Variants in SIK2 observed in about 807,000 individuals in gnomAD.
The protein encoded by SIK2 is serine/threonine-protein kinase SIK2.
SIK2 carries 29 observed loss-of-function variants against 103.2 expected under a neutral mutation model. The ratio of observed to expected loss-of-function variants is 0.28; its 90% CI spans 0.21 to 0.38. The LOEUF is 0.38. SIK2 is among the 10% of genes least tolerant of loss of function. The probability of loss-of-function intolerance (pLI) is 1.00; values close to 1 mark genes in which losing one functional copy is unlikely to be tolerated. For synonymous variants in SIK2, 412 were observed against 446.1 expected (o/e 0.92, Z 0.96); for missense variants, 879 against 1,171.0 (o/e 0.75, Z 3.64).
intron 1 of SIK2, among the ~76,000 whole-genome samples, chr11:111,612,754 A>G (rs1180379016): frequency 6.6e-6 from 1 of 152,136 alleles, no homozygotes; most frequent in African/African-American, 2.4e-5. Flanking sequence ...GTGAGCAAGA[A>G]ATAAACTTCT....
chr11:111,664,004 C>T (rs1266904181), intron 3 of SIK2, among the ~76,000 whole-genome samples: 1 of 152,206 alleles, frequency 6.6e-6, no homozygotes, highest in Non-Finnish European at 1.5e-5. Context: ...CCCTCCCCCA[C>T]TCCCCACTCT....
intron 3 of SIK2, among the ~76,000 whole-genome samples, chr11:111,631,071 G>T (rs1942030867): frequency 6.6e-6 from 1 of 152,142 alleles, no homozygotes. Context: ...CAGAGGGAAT[G>T]ATTAGTTTAG....
intron 10 of SIK2, 26 bp downstream of exon 10, chr11:111,720,029 T>A (rs1943755499): frequency 6.3e-7 from 1 of 1,592,758 alleles, no homozygotes; most frequent in Non-Finnish European, 8.6e-7. Context: ...GACACTAGCT[T>A]GAGTCTTCAT....
chr11:111,722,042 G>T lies in SIK2; in HGVS notation c.2055+102G>T. The T allele has an allele frequency of 1.2e-6, 1 of 831,924 alleles. No individual in the cohort carries two copies. Among genetic ancestry groups the T allele is most frequent in the Non-Finnish European group, 1.8e-6 (1 of 563,600 alleles). The allele number at this position is 831,924 out of a possible 1,614,324, so 51.5% of individuals were successfully genotyped here. ...TGCCTGGCATTTATTTAGGGTAGCT[G>T]CTTGATTCCTTATAGGCAAGTAGCT... On this transcript the variant is annotated intron_variant, in intron 13 of 14. Transcript: ENST00000304987. The surrounding 1 kb of genome is among the most constrained non-coding windows in gnomAD (Gnocchi z 4.4).
At position 111,616,266 on chromosome 11, in the gene SIK2, G is replaced by A. The variant is rs376333025; in HGVS notation, c.159G>A (p.Lys53=). The part of the protein sequence containing the change: ...KTEVAIKIID[K]SQLDAVNLEK... ...AGGTGGCAATAAAAATAATCGATAA[G>A]TCTCAGCTGGATGCAGTGAACCTTG... The change falls in exon 2 of 15, where the codon AAG becomes AAA. Residue 53 remains lysine, a synonymous_variant. Coordinates refer to ENST00000304987, the MANE Select transcript of SIK2 (RefSeq NM_015191.3). The A allele has an allele frequency of 6.2e-7, 1 of 1,612,970 alleles. No individual in the cohort carries two copies. Among genetic ancestry groups the A allele is most frequent in the Non-Finnish European group, 8.5e-7 (1 of 1,179,270 alleles).
chr11:111,712,127 A>G, intron 8 of SIK2, 84 bp from the exon 9 acceptor site: 2 of 1,342,852 alleles, frequency 1.5e-6, no homozygotes, highest in Non-Finnish European at 2.1e-6. Flanking sequence ...TGCCACAGGA[A>G]GAATTATTTT....
chr11:111,714,598 A>G (rs976642288), intron 9 of SIK2, among the ~76,000 whole-genome samples: 2 of 152,328 alleles, frequency 1.3e-5, no homozygotes, highest in African/African-American at 2.4e-5. Flanking sequence ...TTGATAGACT[A>G]TTAAGGTCTA....
Position 111,723,902 on chromosome 11 carries a change from C to T in SIK2, c.2554C>T (p.Pro852Ser). 1 of 1,613,622 alleles carries T rather than the reference C, an allele frequency of 6.2e-7. No individual in the cohort carries two copies. Among genetic ancestry groups the T allele is most frequent in the East Asian group, 2.2e-5 (1 of 44,850 alleles). The change falls in exon 15 of 15, where the codon CCA becomes TCA. Residue 852 changes from proline (P) to serine (S), a missense_variant. Pro to Ser is a moderately conservative substitution (Grantham distance 74). Transcript: ENST00000304987. ...LQFSYQTCEL[P>S]SAASPAPDYP... is the part of the protein sequence containing the mutation. Reference sequence around the variant, plus strand: ...GTTCTCCTATCAGACTTGTGAGCTGCCAAGCGCTGCTTCCCCTGCGCCAGA... The same window carrying T: ...GTTCTCCTATCAGACTTGTGAGCTGTCAAGCGCTGCTTCCCCTGCGCCAGA...
intron 3 of SIK2, among the ~76,000 whole-genome samples, chr11:111,658,059 TTTAA>T (rs1942416206): frequency 6.6e-6 from 1 of 151,448 alleles, no homozygotes; most frequent in Non-Finnish European, 1.5e-5. Context: ...GAAAGATGAT[TTTAA>T]TTTACTTATT....
intron 3 of SIK2, among the ~76,000 whole-genome samples, chr11:111,628,381 C>G (rs1406765251): frequency 7.3e-6 from 1 of 136,570 alleles, no homozygotes. Flanking sequence ...CCACTCCTCC[C>G]CCATTTTCTC....
intron 6 of SIK2, among the ~76,000 whole-genome samples, chr11:111,702,102 C>T (rs1943224594): frequency 6.6e-6 from 1 of 152,156 alleles, no homozygotes; most frequent in East Asian, 1.9e-4. Flanking sequence ...GAAATAATAA[C>T]TCTTCATAGT....
chr11:111,677,287 C>T (rs192925240), intron 3 of SIK2, among the ~76,000 whole-genome samples: 1 of 152,234 alleles, frequency 6.6e-6, no homozygotes, highest in Admixed American at 6.5e-5. Flanking sequence ...TAAGAAAACC[C>T]AGCTATTGTT....
chr11:111,647,176 G>A (rs77109796), intron 3 of SIK2, among the ~76,000 whole-genome samples: 3,675 of 152,152 alleles, frequency 0.024, 94 homozygotes, highest in African/African-American at 0.062. Flanking sequence ...CCAATTCTTT[G>A]TTGATGGGCA....
Position 111,701,744 on chromosome 11 carries a change from G to C in SIK2, c.727+169G>C, listed in dbSNP as rs1226466190. Among the ~76,000 whole-genome samples, 3 of 152,128 alleles carry C rather than the reference G, an allele frequency of 2.0e-5. No individual in the cohort carries two copies. The highest frequency in any genetic ancestry group is 2.9e-5 in the Non-Finnish European group (2 of 68,036). ...AACCTCCTTTATGTAGGCGAGACAGGTTCCAGCCTTCTACTTGTAACTAAA... is the reference window on the plus strand; with the variant it reads ...AACCTCCTTTATGTAGGCGAGACAGCTTCCAGCCTTCTACTTGTAACTAAA... On this transcript the variant is annotated intron_variant, in intron 6 of 14. Transcript: ENST00000304987. The surrounding 1 kb of genome is among the most constrained non-coding windows in gnomAD (Gnocchi z 4.2).
intron 3 of SIK2, among the ~76,000 whole-genome samples, chr11:111,677,302 A>C (rs1319459716): frequency 1.3e-5 from 2 of 152,226 alleles, no homozygotes; most frequent in Non-Finnish European, 2.9e-5. Flanking sequence ...ATTGTTCTGG[A>C]ATTATATTAA....
In SIK2 at chr11:111,602,489, C is replaced by A; in HGVS notation, c.-75C>A. 7.2e-7 allele frequency: 1 copy of A among 1,388,336 alleles called. No individual in the cohort carries two copies. Among genetic ancestry groups the A allele is most frequent in the Non-Finnish European group, 9.3e-7 (1 of 1,071,794 alleles). 86.0% of individuals were successfully genotyped at this position (1,388,336 alleles called of 1,614,324 possible). A position where few individuals can be genotyped will look rare whatever the true frequency, so the allele number is the denominator to read the frequency against. On this transcript the variant is annotated 5_prime_UTR_variant, in exon 1 of 15. Coordinates refer to ENST00000304987, the MANE Select transcript of SIK2 (RefSeq NM_015191.3). The surrounding 1 kb of genome is among the most constrained non-coding windows in gnomAD (Gnocchi z 4.5). ...GAAGGAGCAAGCGGAGCGGCCGTCG[C>A]CCAAGCCAAGCCGCGCTGCCAACCC...
chr11:111,663,702 G>A (rs560976635), intron 3 of SIK2, among the ~76,000 whole-genome samples: 4 of 152,288 alleles, frequency 2.6e-5, no homozygotes, highest in African/African-American at 9.6e-5. Context: ...TGAGACGATG[G>A]TGTCTTGGCC....
intron 1 of SIK2, among the ~76,000 whole-genome samples, chr11:111,611,242 C>G (rs1941722327): frequency 3.4e-5 from 1 of 29,406 alleles, no homozygotes; most frequent in East Asian, 1.2e-3. Flanking sequence ...GAGTGAGACC[C>G]TGTCTCAAAA....
intron 3 of SIK2, among the ~76,000 whole-genome samples, chr11:111,676,591 G>A (rs1420118154): frequency 6.6e-6 from 1 of 152,172 alleles, no homozygotes; most frequent in African/African-American, 2.4e-5. Context: ...AGAACTTAAA[G>A]AAAGAAGTAA....
Sources: gnomAD v4.1 joint callset for allele counts (sites outside exome capture counted in the v4.1 genomes callset) on GRCh38, gnomAD v4.1.1 for gene constraint, Gnocchi (gnomAD v3.1) non-coding constraint, MANE v1.5 for transcripts, NCBI Gene and HGNC (gene_info 2026-07-23, HGNC 2026-07-21) for gene names.